Variants in HEXIM1 observed in about 807,000 individuals in gnomAD.
HEXIM1 encodes HEXIM P-TEFb complex subunit 1.
In HEXIM1, 1 loss-of-function variant was observed where a neutral mutation model predicts 30.3. The ratio of observed to expected loss-of-function variants is 0.03; its 90% CI spans 0.01 to 0.16. The LOEUF is 0.16. Among genes scored for constraint, HEXIM1 ranks in the 10% least tolerant of loss-of-function variants. The pLI is 1.00. For synonymous variants in HEXIM1, 245 were observed against 208.3 expected, an observed-to-expected ratio of 1.18 and a Z score of -1.52; for missense variants, 391 against 476.4, an observed-to-expected ratio of 0.82 and a Z score of 1.67.
rs1028875778 is a variant in HEXIM1 at position 45,149,751 on chromosome 17, A to C, written c.561A>C (p.Ser187=). 3 of 1,613,688 alleles carry C rather than the reference A, an allele frequency of 1.9e-6. No homozygotes were observed. Among genetic ancestry groups the C allele is most frequent in the Non-Finnish European group, 2.5e-6 (3 of 1,180,008 alleles). The stretch of plus-strand genomic sequence containing the variant: ...ACGAGAAACAGAGCCTTCGAGCTTC[A>C]AGGATCCGAGCCGAGATGTTCGCCA... ...KFDEKQSLRA[S]RIRAEMFAKG... is the part of the protein sequence containing the mutation. Residue 187 remains serine (S), a synonymous_variant, in exon 1 of 1, where the codon TCA becomes TCC. Transcript: ENST00000332499. This position sits in a 1 kb window ranked among gnomAD's most constrained non-coding sequence, Gnocchi z 5.3.
rs763147326 is a variant in HEXIM1 at position 45,149,862 on chromosome 17, G to A, written c.672G>A (p.Leu224=). The change falls in exon 1 of 1, where the codon CTG becomes CTA. Residue 224 remains leucine, a synonymous_variant. Transcript: ENST00000332499. This position sits in a 1 kb window ranked among gnomAD's most constrained non-coding sequence, Gnocchi z 5.3. ...AGGAGCCGGATCTCAAAACCGGCCT[G>A]TACTCCAAGCGGGCCGCCGCCAAAT... The part of the protein sequence containing the change: ...DQEEPDLKTG[L]YSKRAAAKSD... The A allele has an allele frequency of 2.7e-5, 43 of 1,613,574 alleles. No homozygotes were observed. The highest frequency in any genetic ancestry group is 3.6e-5 in the Non-Finnish European group (42 of 1,180,010).
Position 45,150,244 on chromosome 17 carries a change from G to A in HEXIM1, c.1054G>A (p.Ala352Thr). The change falls in exon 1 of 1, where the codon GCG becomes ACG. Residue 352 changes from alanine to threonine, a missense_variant. Ala to Thr is a moderately conservative substitution (Grantham distance 58). Transcript: ENST00000332499. ...ENELHRQQER[A>T]PLSKFGD ...CGAACTGCACCGGCAGCAGGAGCGA[G>A]CGCCGCTTTCCAAGTTTGGAGACTA... 1.9e-6 allele frequency: 3 copies of A among 1,608,964 alleles called. No homozygotes were observed. The highest frequency in any genetic ancestry group is 1.1e-5 in the South Asian group (1 of 90,974).
At position 45,150,225 on chromosome 17, in the gene HEXIM1, G is replaced by A. The variant is rs1411484622; in HGVS notation, c.1035G>A (p.Leu345=). ...TCCAGCTGCTGACCGAGAACGAACTGCACCGGCAGCAGGAGCGAGCGCCGC... is the reference window on the plus strand; with the variant it reads ...TCCAGCTGCTGACCGAGAACGAACTACACCGGCAGCAGGAGCGAGCGCCGC... ...ENLQLLTENE[L]HRQQERAPLS... Residue 345 remains leucine (L), a synonymous_variant, in exon 1 of 1, where the codon CTG becomes CTA. Transcript: ENST00000332499. 1 of 1,610,800 alleles carries A rather than the reference G, an allele frequency of 6.2e-7. No individual in the cohort carries two copies.
Position 45,149,094 on chromosome 17 carries a change from G to GT in HEXIM1, c.-87dup, listed in dbSNP as rs1338554428. 20,749 of 997,292 alleles carry GT rather than the reference G, an allele frequency of 0.021. 21 individuals carry two copies. Among genetic ancestry groups the GT allele is most frequent in the African/African-American group, 0.037 (2,020 of 53,968 alleles). 61.8% of individuals were successfully genotyped at this position (997,292 alleles called of 1,614,324 possible). ...AAACTGAAGAGGACTCTGTTGGACT[G>GT]TTTTTTTTTTCTTTTTCTTTTTTTT... On this transcript the variant is annotated 5_prime_UTR_variant, in exon 1 of 1. Coordinates refer to ENST00000332499, the MANE Select transcript of HEXIM1 (RefSeq NM_006460.3). This position sits in a 1 kb window ranked among gnomAD's most constrained non-coding sequence, Gnocchi z 5.3.
rs746508181 is a variant in HEXIM1, at chr17:45,149,450, A to G, written c.260A>G (p.Glu87Gly). The part of the protein sequence containing the change: ...QACPESSCLR[E>G]GEKGQNGDDS... ...TGTCCAGAATCTAGCTGCCTGAGAG[A>G]GGGCGAGAAGGGCCAGAATGGGGAC... Residue 87 changes from glutamate to glycine, a missense_variant, in exon 1 of 1, where the codon GAG (glutamate) becomes GGG (glycine). Transcript: ENST00000332499. This position sits in a 1 kb window ranked among gnomAD's most constrained non-coding sequence, Gnocchi z 5.3. 3.7e-6 allele frequency: 6 copies of G among 1,612,754 alleles called. No homozygotes were observed. Among genetic ancestry groups the G allele is most frequent in the Non-Finnish European group, 5.1e-6 (6 of 1,179,770 alleles).
In HEXIM1 at chr17:45,149,943, C is replaced by T. The variant is rs752095784; in HGVS notation, c.753C>T (p.Gly251=). 8 of 1,613,690 alleles carry T rather than the reference C, an allele frequency of 5.0e-6. No individual in the cohort carries two copies. The African/African-American group carries it at 6.7e-5, about 13-fold the overall frequency. ...FMEEGGEEDG[G]SDGMGGDGSE... ...AAGAAGGGGGTGAGGAGGATGGGGG[C>T]AGCGATGGGATGGGAGGGGACGGCA... Residue 251 remains glycine, a synonymous_variant, in exon 1 of 1, where the codon GGC becomes GGT. Coordinates refer to ENST00000332499, the MANE Select transcript of HEXIM1 (RefSeq NM_006460.3). The surrounding 1 kb of genome is among the most constrained non-coding windows in gnomAD (Gnocchi z 5.3).
Position 45,151,467 on chromosome 17 carries a change from G to A in HEXIM1, c.*1197G>A, listed in dbSNP as rs1011290522. ...CCCTTGCACAGCCCTATTCTAAATC[G>A]CTTAAACTATGCTGATAGCTGCTTA... On this transcript the variant is annotated 3_prime_UTR_variant, in exon 1 of 1. Coordinates refer to ENST00000332499, the MANE Select transcript of HEXIM1 (RefSeq NM_006460.3). 3 of 166,968 alleles carry A rather than the reference G, an allele frequency of 1.8e-5. No homozygotes were observed. Among genetic ancestry groups the A allele is most frequent in the African/African-American group, 7.2e-5 (3 of 41,394 alleles). 10.3% of individuals were successfully genotyped at this position (166,968 alleles called of 1,614,324 possible). A position where few individuals can be genotyped will look rare whatever the true frequency, so the allele number is the denominator to read the frequency against.
rs2055523288 is a variant in HEXIM1, at chr17:45,148,816, C to T, written c.-375C>T. The T allele has an allele frequency of 7.4e-6, 3 of 404,156 alleles. No individual in the cohort carries two copies. Among genetic ancestry groups the T allele is most frequent in the Non-Finnish European group, 1.3e-5 (3 of 229,156 alleles). The allele number at this position is 404,156 out of a possible 1,614,324, so 25.0% of individuals were successfully genotyped here. ...AGGCAGCGTCATCGGTAGTTTTAACCCCTTCGGGGCTGGGTTTCACGCACT... is the reference window on the plus strand; with the variant it reads ...AGGCAGCGTCATCGGTAGTTTTAACTCCTTCGGGGCTGGGTTTCACGCACT... On this transcript the variant is annotated 5_prime_UTR_variant, in exon 1 of 1. Transcript: ENST00000332499.
chr17:45,149,558 A>G lies in HEXIM1; in HGVS notation c.368A>G (p.His123Arg). The G allele has an allele frequency of 6.2e-7, 1 of 1,607,912 alleles. No homozygotes were observed. The highest frequency in any genetic ancestry group is 8.5e-7 in the Non-Finnish European group (1 of 1,177,574). Residue 123 changes from histidine (H) to arginine (R), a missense_variant, in exon 1 of 1, where the codon CAT (histidine) becomes CGT (arginine). Around this residue, in one of 5 missense-constraint regions of HEXIM1, gnomAD observed 230 missense variants for 199.4 expected, o/e 1.15. Coordinates refer to ENST00000332499, the MANE Select transcript of HEXIM1 (RefSeq NM_006460.3). The surrounding 1 kb of genome is among the most constrained non-coding windows in gnomAD (Gnocchi z 5.3). ...GCCGAGCTGCTCGCCCAGCCTTGTC[A>G]TGACTCCGAGGCCAGTAAGTTGGGG... ...PEAELLAQPC[H>R]DSEASKLGAP...
chr17:45,149,060 A>T lies in HEXIM1; in HGVS notation c.-131A>T. 1.1e-6 allele frequency: 1 copy of T among 931,812 alleles called. No individual in the cohort carries two copies. The highest frequency in any genetic ancestry group is 1.6e-6 in the Non-Finnish European group (1 of 628,500). The allele number at this position is 931,812 out of a possible 1,614,324, so 57.7% of individuals were successfully genotyped here. The stretch of plus-strand genomic sequence containing the variant: ...AAGGACTAGCTAAAGGCGTCACTGC[A>T]GGAATTACAAACTGAAGAGGACTCT... On this transcript the variant is annotated 5_prime_UTR_variant, in exon 1 of 1. Transcript: ENST00000332499. The surrounding 1 kb of genome is among the most constrained non-coding windows in gnomAD (Gnocchi z 5.3).
rs1205320025 is a variant in HEXIM1 at position 45,151,937 on chromosome 17, T to C, written c.*1667T>C. The C allele has an allele frequency of 6.0e-6, 1 of 167,072 alleles. No homozygotes were observed. The highest frequency in any genetic ancestry group is 1.5e-5 in the Non-Finnish European group (1 of 68,116). The allele number at this position is 167,072 out of a possible 1,614,324, so 10.3% of individuals were successfully genotyped here. On this transcript the variant is annotated 3_prime_UTR_variant, in exon 1 of 1. Transcript: ENST00000332499. ...TGCACCTTGTATTGCATAAGAAGCA[T>C]ACACAAATCAATAAATCAAGGGAGA...
Position 45,151,892 on chromosome 17 carries a change from T to C in HEXIM1, c.*1622T>C, listed in dbSNP as rs1436607112. The C allele has an allele frequency of 6.0e-6, 1 of 167,070 alleles. No individual in the cohort carries two copies. The highest frequency in any genetic ancestry group is 6.5e-5 in the Admixed American group (1 of 15,284). 10.3% of individuals were successfully genotyped at this position (167,070 alleles called of 1,614,324 possible). On this transcript the variant is annotated 3_prime_UTR_variant, in exon 1 of 1. Transcript: ENST00000332499. ...AGTTAAATGGCGATGGTGGAGGTGA[T>C]AGGGACTTCAAGAGTAAAATGCACC...
rs948253321 is a variant in HEXIM1 at position 45,151,334 on chromosome 17, T to C, written c.*1064T>C. The C allele has an allele frequency of 1.2e-5, 2 of 166,768 alleles. No individual in the cohort carries two copies. The highest frequency in any genetic ancestry group is 4.8e-5 in the African/African-American group (2 of 41,356). The allele number at this position is 166,768 out of a possible 1,614,324, so 10.3% of individuals were successfully genotyped here. A position where few individuals can be genotyped will look rare whatever the true frequency, so the allele number is the denominator to read the frequency against. On this transcript the variant is annotated 3_prime_UTR_variant, in exon 1 of 1. Coordinates refer to ENST00000332499, the MANE Select transcript of HEXIM1 (RefSeq NM_006460.3). ...AAAAAAAAAGCTATCCACCTTTCCA[T>C]GTGGGTCAAACTAAAATTAGAAATG... is the stretch of plus-strand genomic sequence containing the variant.
Position 45,150,087 on chromosome 17 carries a change from G to T in HEXIM1, c.897G>T (p.Ser299=), listed in dbSNP as rs760576588. ...ACCTGGAACTGGAGAAGTGCCTCTC[G>T]CGCATGGAGGACGAGAACAACCGGC... ...KEYLELEKCL[S]RMEDENNRLR... The change falls in exon 1 of 1, where the codon TCG becomes TCT. Residue 299 remains serine, a synonymous_variant. Coordinates refer to ENST00000332499, the MANE Select transcript of HEXIM1 (RefSeq NM_006460.3). 4 of 1,613,910 alleles carry T rather than the reference G, an allele frequency of 2.5e-6. No individual in the cohort carries two copies. The highest frequency in any genetic ancestry group is 3.4e-6 in the Non-Finnish European group (4 of 1,180,048).
chr17:45,151,588 AT>A lies in HEXIM1; in HGVS notation c.*1322del, dbSNP rs1024315327. 3.0e-5 allele frequency: 5 copies of A among 167,106 alleles called. No homozygotes were observed. The highest frequency in any genetic ancestry group is 1.2e-4 in the African/African-American group (5 of 41,466). 10.4% of individuals were successfully genotyped at this position (167,106 alleles called of 1,614,324 possible). On this transcript the variant is annotated 3_prime_UTR_variant, in exon 1 of 1. Coordinates refer to ENST00000332499, the MANE Select transcript of HEXIM1 (RefSeq NM_006460.3). ...AGAAATTATGAGATTGCCTCCTGTC[AT>A]TTTGGTTAACCCAGTCCTTCACCTG...
chr17:45,149,234 C>T lies in HEXIM1; in HGVS notation c.44C>T (p.Thr15Ile). Residue 15 changes from threonine to isoleucine, a missense_variant, in exon 1 of 1, where the codon ACT becomes ATT. Thr to Ile is a moderately conservative substitution (Grantham distance 89, BLOSUM62 -1). Transcript: ENST00000332499. The surrounding 1 kb of genome is among the most constrained non-coding windows in gnomAD (Gnocchi z 5.3). ...FLSEYQHQPQ[T>I]SNCTGAAAVQ... Reference sequence around the variant, plus strand: ...TCAGAATATCAACACCAGCCTCAAACTAGCAACTGTACAGGTGCTGCTGCT... The same window carrying T: ...TCAGAATATCAACACCAGCCTCAAATTAGCAACTGTACAGGTGCTGCTGCT... 6.2e-7 allele frequency: 1 copy of T among 1,613,744 alleles called. No homozygotes were observed. Among genetic ancestry groups the T allele is most frequent in the Non-Finnish European group, 8.5e-7 (1 of 1,179,970 alleles).
Position 45,151,085 on chromosome 17 carries a change from T to C in HEXIM1, c.*815T>C, listed in dbSNP as rs2055545016. ...TTAGACAACTGACAGCCTCATTTCA[T>C]TCCTACAAGTTGGTTTTCAGTAATC... On this transcript the variant is annotated 3_prime_UTR_variant, in exon 1 of 1. Transcript: ENST00000332499. 6.0e-6 allele frequency: 1 copy of C among 167,050 alleles called. No homozygotes were observed. Among genetic ancestry groups the C allele is most frequent in the African/African-American group, 2.4e-5 (1 of 41,464 alleles). The allele number at this position is 167,050 out of a possible 1,614,324, so 10.3% of individuals were successfully genotyped here.
Position 45,150,223 on chromosome 17 carries a change from C to T in HEXIM1, c.1033C>T (p.Leu345=). The T allele has an allele frequency of 1.2e-6, 2 of 1,611,232 alleles. No homozygotes were observed. The highest frequency in any genetic ancestry group is 1.7e-6 in the Non-Finnish European group (2 of 1,178,384). Reference sequence around the variant, plus strand: ...CCTCCAGCTGCTGACCGAGAACGAACTGCACCGGCAGCAGGAGCGAGCGCC... The same window carrying T: ...CCTCCAGCTGCTGACCGAGAACGAATTGCACCGGCAGCAGGAGCGAGCGCC... ...ENLQLLTENE[L]HRQQERAPLS... The change falls in exon 1 of 1, where the codon CTG becomes TTG. Residue 345 remains leucine, a synonymous_variant. Transcript: ENST00000332499.
rs1388175038 is a variant in HEXIM1 at position 45,149,788 on chromosome 17, G to A, written c.598G>A (p.Val200Ile). Residue 200 changes from valine (V) to isoleucine (I), a missense_variant, in exon 1 of 1, where the codon GTC becomes ATC. Physicochemically the swap from Val to Ile is conservative, Grantham distance 29 (BLOSUM62 3). Coordinates refer to ENST00000332499, the MANE Select transcript of HEXIM1 (RefSeq NM_006460.3). This position sits in a 1 kb window ranked among gnomAD's most constrained non-coding sequence, Gnocchi z 5.3. ...CGAGATGTTCGCCAAGGGCCAGCCG[G>A]TCGCGCCCTATAACACCACGCAGTT... ...RAEMFAKGQP[V>I]APYNTTQFLM... 1.2e-6 allele frequency: 2 copies of A among 1,613,906 alleles called. No homozygotes were observed. Among genetic ancestry groups the A allele is most frequent in the South Asian group, 1.1e-5 (1 of 91,086 alleles).
Sources: gnomAD v4.1 joint callset for allele counts on GRCh38, gnomAD v4.1.1 for gene constraint, gnomAD v4.1.1 regional missense constraint, Gnocchi (gnomAD v3.1) non-coding constraint, MANE v1.5 for transcripts, NCBI Gene and HGNC (gene_info 2026-07-23, HGNC 2026-07-21) for gene names.